RAB3GAP1: variants seen among roughly 807,000 people sequenced by gnomAD.
The protein encoded by RAB3GAP1 is rab3 GTPase-activating protein catalytic subunit.
RAB3GAP1 carries 86 observed loss-of-function variants against 130.7 expected under a neutral mutation model. The observed-to-expected ratio is 0.66, with a 90% CI of 0.55 to 0.79. The LOEUF (loss-of-function observed/expected upper bound fraction) is 0.79, where lower values mean the gene tolerates loss of function less well. Ranked by LOEUF, RAB3GAP1 falls within the 30% of genes least tolerant of loss-of-function variation. RAB3GAP1 has a pLI of 0.00. For missense variants in RAB3GAP1, 1,029 were observed against 1,169.4 expected, an observed-to-expected ratio of 0.88 and a Z score of 1.75; for synonymous variants, 367 against 401.7, an observed-to-expected ratio of 0.91 and a Z score of 1.03.
chr2:135,076,087 T>C (rs1308031918), intron 3 of RAB3GAP1, among the ~76,000 whole-genome samples: 1 of 151,826 alleles, frequency 6.6e-6, no homozygotes, highest in Non-Finnish European at 1.5e-5. Flanking sequence ...ATTTTTTGTA[T>C]TTTTAGTAGA....
rs554025394 is a variant in RAB3GAP1 at position 135,069,626 on chromosome 2, T to C, written c.150+11540T>C. The stretch of plus-strand genomic sequence containing the variant: ...GGGTAGCAAATAAAATATTAATTTT[T>C]TCTCTCTACTTTTGGGGCCATGTCA... On this transcript the variant is annotated intron_variant, in intron 3 of 23. Coordinates refer to ENST00000264158, the MANE Select transcript of RAB3GAP1 (RefSeq NM_012233.3). Among the ~76,000 whole-genome samples, 9 of 152,340 alleles carry C rather than the reference T, an allele frequency of 5.9e-5. No individual in the cohort carries two copies. The South Asian group carries it at 1.9e-3, about 32-fold the overall frequency.
chr2:135,158,707 C>T (rs1440293737), intron 19 of RAB3GAP1, among the ~76,000 whole-genome samples: 1 of 152,122 alleles, frequency 6.6e-6, no homozygotes, highest in Admixed American at 6.5e-5. Context: ...CATCATCTTG[C>T]ATGATTTTTA....
At chr2:135,150,262 T>C in intron 17 of RAB3GAP1, 107 bp from the exon 18 acceptor site, 2 of 1,350,856 alleles carry the variant, frequency 1.5e-6, no homozygotes, top group Non-Finnish European at 2.1e-6. Context: ...AAAATACTCA[T>C]CTTGTGACTG....
At chr2:135,079,858 G>A (rs945050136) in intron 3 of RAB3GAP1, among the ~76,000 whole-genome samples, 33 of 152,094 alleles carry the variant, frequency 2.2e-4, no homozygotes, top group Admixed American at 7.2e-4. Flanking sequence ...GGCTGGGCGC[G>A]GTGGCTCACG....
At chr2:135,052,805 C>T (rs1688917451) in intron 2 of RAB3GAP1, among the ~76,000 whole-genome samples, 1 of 152,230 alleles carries the variant, frequency 6.6e-6, no homozygotes, top group South Asian at 2.1e-4. Context: ...ATTTCCGAGG[C>T]TGCAACAACC....
intron 17 of RAB3GAP1, among the ~76,000 whole-genome samples, chr2:135,138,342 C>G (rs983435749): frequency 2.7e-5 from 4 of 150,868 alleles, no homozygotes; most frequent in African/African-American, 4.9e-5. Context: ...CCCAGCTACT[C>G]GGGAGGCTGA....
intron 2 of RAB3GAP1, 56 bp downstream of exon 2, chr2:135,052,541 C>G: frequency 6.3e-7 from 1 of 1,598,122 alleles, no homozygotes; most frequent in Non-Finnish European, 8.6e-7. Context: ...GTCCCCTAGC[C>G]GCTTCCCTGA....
intron 8 of RAB3GAP1, among the ~76,000 whole-genome samples, chr2:135,122,085 CCT>C (rs1691217092): frequency 6.6e-6 from 1 of 150,898 alleles, no homozygotes; most frequent in Non-Finnish European, 1.5e-5. Context: ...AGAGTGAGAC[CCT>C]GTCTCAAAAA....
downstream of RAB3GAP1, among the ~76,000 whole-genome samples, chr2:135,171,873 C>G (rs1692864461): frequency 6.6e-6 from 1 of 152,092 alleles, no homozygotes; most frequent in Non-Finnish European, 1.5e-5. Flanking sequence ...GGAAGCAGTC[C>G]TGTATATAGA....
chr2:135,164,387 C>A (rs1692565705), intron 22 of RAB3GAP1, among the ~76,000 whole-genome samples: 1 of 152,054 alleles, frequency 6.6e-6, no homozygotes, highest in Admixed American at 6.5e-5. Flanking sequence ...TTTATGAGCA[C>A]AGGTGAAAAA....
intron 19 of RAB3GAP1, among the ~76,000 whole-genome samples, chr2:135,154,637 A>G (rs1000413596): frequency 6.6e-6 from 1 of 152,106 alleles, no homozygotes; most frequent in African/African-American, 2.4e-5. Flanking sequence ...ATGAAACACA[A>G]AGTCACCCCA....
chr2:135,063,517 G>A (rs1186815761), intron 3 of RAB3GAP1, among the ~76,000 whole-genome samples: 1 of 152,002 alleles, frequency 6.6e-6, no homozygotes, highest in Non-Finnish European at 1.5e-5. Flanking sequence ...TCTACTTTCT[G>A]TCCATGAATT....
At position 135,168,784 on chromosome 2, in the gene RAB3GAP1, C is replaced by T. The variant is rs557164937; in HGVS notation, c.*3C>T. The stretch of plus-strand genomic sequence containing the variant: ...CATCAGATACTTCCTTCTTCTGATT[C>T]TTCTAGCATTACTCGTTGGTGGCTT... On this transcript the variant is annotated 3_prime_UTR_variant, in exon 24 of 24. Coordinates refer to ENST00000264158, the MANE Select transcript of RAB3GAP1 (RefSeq NM_012233.3). 6.8e-6 allele frequency: 11 copies of T among 1,606,732 alleles called. No individual in the cohort carries two copies. Among genetic ancestry groups the T allele is most frequent in the Middle Eastern group, 1.6e-4 (1 of 6,068 alleles).
At chr2:135,123,255 T>C (rs915552423) in intron 8 of RAB3GAP1, among the ~76,000 whole-genome samples, 2 of 152,242 alleles carry the variant, frequency 1.3e-5, no homozygotes, top group Admixed American at 6.5e-5. Flanking sequence ...AAAAATGTGC[T>C]TGTAATTTTG....
chr2:135,095,638 C>T (rs764273745), intron 5 of RAB3GAP1, among the ~76,000 whole-genome samples: 4 of 152,230 alleles, frequency 2.6e-5, no homozygotes, highest in East Asian at 1.9e-4. Context: ...TTGCTTTCTG[C>T]GGTTTCAGTT....
intron 3 of RAB3GAP1, among the ~76,000 whole-genome samples, chr2:135,076,936 G>A (rs1294018914): frequency 1.3e-5 from 2 of 152,134 alleles, no homozygotes; most frequent in Admixed American, 1.3e-4. Context: ...CCTTTTGAAG[G>A]CTGAATAATA....
At chr2:135,088,010 G>A (rs1690036730) in intron 3 of RAB3GAP1, among the ~76,000 whole-genome samples, 1 of 152,188 alleles carries the variant, frequency 6.6e-6, no homozygotes, top group Admixed American at 6.5e-5. Context: ...GGATGTTAGA[G>A]TGTTGTTTAT....
Position 135,104,778 on chromosome 2 carries a change from A to T in RAB3GAP1, c.363-8373A>T, listed in dbSNP as rs149906942. ...GTGGTATGTGCCCATGGTCTCAGCT[A>T]CTCAGGAGGCTGAGATAGGAGAATC... On this transcript the variant is annotated intron_variant, in intron 5 of 23. Coordinates refer to ENST00000264158, the MANE Select transcript of RAB3GAP1 (RefSeq NM_012233.3). Among the ~76,000 whole-genome samples the T allele has an allele frequency of 7.0e-3, 1,068 of 152,260 alleles. 12 individuals are homozygous for T. Among genetic ancestry groups the T allele is most frequent in the African/African-American group, 0.024 (998 of 41,542 alleles).
intron 3 of RAB3GAP1, among the ~76,000 whole-genome samples, chr2:135,081,906 C>T (rs1053312257): frequency 6.6e-6 from 1 of 151,882 alleles, no homozygotes; most frequent in African/African-American, 2.4e-5. Context: ...TTTGAGAGGC[C>T]GAGACGGGTG....
Sources: gnomAD v4.1 joint callset for allele counts (sites outside exome capture counted in the v4.1 genomes callset) on GRCh38, gnomAD v4.1.1 for gene constraint, MANE v1.5 for transcripts, NCBI Gene and HGNC (gene_info 2026-07-23, HGNC 2026-07-21) for gene names.